Variants in RABGAP1L observed in about 807,000 individuals in gnomAD.
RABGAP1L encodes the protein RAB GTPase activating protein 1 like.
RABGAP1L carries 63 observed loss-of-function variants against 137.7 expected under a neutral mutation model. The ratio of observed to expected loss-of-function variants is 0.46; its 90% confidence interval spans 0.37 to 0.56. The LOEUF (loss-of-function observed/expected upper bound fraction) is 0.56. Ranked by LOEUF, RABGAP1L falls within the 20% of genes least tolerant of loss-of-function variation. The pLI, the probability that RABGAP1L is intolerant of heterozygous loss-of-function variation, is 0.00. For missense variants in RABGAP1L, 1,095 were observed against 1,244.0 expected, an observed-to-expected ratio of 0.88 and a Z score of 1.80; for synonymous variants, 431 against 433.7, an observed-to-expected ratio of 0.99 and a Z score of 0.08.
At chr1:174,410,180 C>T (rs1042088992) in intron 13 of RABGAP1L, among the ~76,000 whole-genome samples, 1 of 152,080 alleles carries the variant, frequency 6.6e-6, no homozygotes, top group South Asian at 2.1e-4. Flanking sequence ...CAGTAAAATT[C>T]CTCTCTTTGT....
intron 19 of RABGAP1L, among the ~76,000 whole-genome samples, chr1:174,872,842 G>A (rs1204723081): frequency 1.3e-5 from 2 of 151,952 alleles, no homozygotes; most frequent in East Asian, 1.9e-4. Flanking sequence ...CTTTCTTATA[G>A]TTATTTATCT....
intron 1 of RABGAP1L, among the ~76,000 whole-genome samples, chr1:174,209,197 A>T (rs1477225326): frequency 6.6e-6 from 1 of 152,164 alleles, no homozygotes; most frequent in Non-Finnish European, 1.5e-5. Context: ...TGCATTGCGT[A>T]CCTCCTGCTC....
intron 19 of RABGAP1L, among the ~76,000 whole-genome samples, chr1:174,901,051 A>G (rs1013342182): frequency 2.0e-5 from 3 of 152,088 alleles, no homozygotes; most frequent in Admixed American, 6.6e-5. Context: ...ATAGTCTTCA[A>G]GCTCTGAAAT....
intron 17 of RABGAP1L, among the ~76,000 whole-genome samples, chr1:174,714,629 G>A (rs2148568468): frequency 6.6e-6 from 1 of 152,270 alleles, no homozygotes; most frequent in South Asian, 2.1e-4. Context: ...CAGAAACCTA[G>A]ACATAGTAGC....
intron 19 of RABGAP1L, among the ~76,000 whole-genome samples, chr1:174,928,454 C>G (rs1411759226): frequency 6.6e-6 from 1 of 151,416 alleles, no homozygotes; most frequent in Non-Finnish European, 1.5e-5. Flanking sequence ...GTATTCAGTT[C>G]ACGTATAATG....
At chr1:174,839,301 C>T (rs1558133916) in intron 19 of RABGAP1L, among the ~76,000 whole-genome samples, 1 of 152,112 alleles carries the variant, frequency 6.6e-6, no homozygotes, top group Non-Finnish European at 1.5e-5. Flanking sequence ...TCATGTGAAA[C>T]CTTACAATAG....
At chr1:174,595,729 C>T (rs964194784) in intron 13 of RABGAP1L, among the ~76,000 whole-genome samples, 5 of 107,812 alleles carry the variant, frequency 4.6e-5, no homozygotes, top group South Asian at 3.6e-4. Context: ...TCTCCAGCTG[C>T]GTGCTGGGAG....
intron 13 of RABGAP1L, among the ~76,000 whole-genome samples, chr1:174,532,884 A>T (rs1558314574): frequency 6.6e-6 from 1 of 152,242 alleles, no homozygotes. Flanking sequence ...AAAAACTGAT[A>T]AAAAACTATA....
chr1:174,493,104 T>C (rs2149357960), intron 13 of RABGAP1L, among the ~76,000 whole-genome samples: 1 of 150,528 alleles, frequency 6.6e-6, no homozygotes, highest in South Asian at 2.1e-4. Flanking sequence ...CTCACACCTG[T>C]AATCTCGCAC....
chr1:174,725,740 A>C (rs1027340707), intron 17 of RABGAP1L, among the ~76,000 whole-genome samples: 9 of 152,044 alleles, frequency 5.9e-5, no homozygotes, highest in African/African-American at 2.2e-4. Context: ...ATACTGTAAC[A>C]GTGTTTTTAT....
In RABGAP1L at chr1:174,180,608, G is replaced by A. The variant is rs1340873435; in HGVS notation, c.-34+20951G>A. Among the ~76,000 whole-genome samples the A allele has an allele frequency of 2.6e-5, 4 of 152,100 alleles. No individual in the cohort carries two copies. In the East Asian group the frequency reaches 7.7e-4, roughly 29 times the overall value. On this transcript the variant is annotated intron_variant, in intron 1 of 25. Coordinates refer to ENST00000681986, the MANE Select transcript of RABGAP1L (RefSeq NM_001366446.1). ...GCCTCCCAAGTGGCTGGGACTGAAG[G>A]CATATGCCACCACGCCTGGCTAATT...
chr1:174,542,985 A>G (rs187099167), intron 13 of RABGAP1L, among the ~76,000 whole-genome samples: 1 of 152,170 alleles, frequency 6.6e-6, no homozygotes, highest in African/African-American at 2.4e-5. Flanking sequence ...CTGTTCTTTA[A>G]CATTTGCAGA....
At chr1:174,242,048 T>C (rs1671873838) in intron 5 of RABGAP1L, among the ~76,000 whole-genome samples, 1 of 152,224 alleles carries the variant, frequency 6.6e-6, no homozygotes, top group South Asian at 2.1e-4. Flanking sequence ...GATAGTTGCA[T>C]ATTGCTTTCA....
intron 11 of RABGAP1L, among the ~76,000 whole-genome samples, chr1:174,338,338 A>G (rs185945311): frequency 1.3e-5 from 2 of 152,294 alleles, no homozygotes; most frequent in Admixed American, 1.3e-4. Context: ...AAGAGTGGCA[A>G]TTGACAGCAT....
intron 15 of RABGAP1L, among the ~76,000 whole-genome samples, chr1:174,685,625 A>G (rs1268877627): frequency 6.6e-6 from 1 of 151,276 alleles, no homozygotes; most frequent in East Asian, 1.9e-4. Context: ...GTGCAGTGGC[A>G]TGATCTCAGC....
intron 11 of RABGAP1L, among the ~76,000 whole-genome samples, chr1:174,354,510 G>A (rs887880908): frequency 5.3e-5 from 8 of 152,236 alleles, no homozygotes; most frequent in Non-Finnish European, 1.0e-4. Flanking sequence ...TAAAAAAAGA[G>A]TCATAGATAA....
intron 13 of RABGAP1L, among the ~76,000 whole-genome samples, chr1:174,558,214 C>T (rs1218874174): frequency 2.6e-5 from 4 of 152,186 alleles, no homozygotes; most frequent in Admixed American, 2.6e-4. Flanking sequence ...AATTTTCCCA[C>T]AGTTCAGTTG....
chr1:174,982,213 C>T (rs918023642), intron 23 of RABGAP1L, among the ~76,000 whole-genome samples: 10 of 151,986 alleles, frequency 6.6e-5, no homozygotes, highest in Non-Finnish European at 2.9e-5. Context: ...ATACACGTGC[C>T]GTGGTGGTTT....
At chr1:174,962,734 A>G (rs1210814566) in intron 20 of RABGAP1L, among the ~76,000 whole-genome samples, 1 of 141,768 alleles carries the variant, frequency 7.1e-6, no homozygotes, top group South Asian at 2.1e-4. Context: ...AAGAGGGAGT[A>G]GACTTTTTAA....
Sources: allele counts gnomAD v4.1 joint callset (sites outside exome capture counted in the v4.1 genomes callset), GRCh38; gene constraint gnomAD v4.1.1; transcripts MANE v1.5; gene names NCBI Gene and HGNC (gene_info 2026-07-23, HGNC 2026-07-21).